The following RASSF3 variants were observed in gnomAD, a reference collection of about 807,000 sequenced individuals.
The protein encoded by RASSF3 is ras association domain-containing protein 3.
In RASSF3, 19 loss-of-function variants were observed where a neutral mutation model predicts 19.9. That is an observed-to-expected ratio of 0.96 (90% CI 0.67 to 1.40). The LOEUF is 1.40. Among genes scored for constraint, RASSF3 ranks in the 40% most tolerant of loss-of-function variants. The pLI is 0.00. For missense variants in RASSF3, 306 were observed against 289.8 expected (o/e 1.06, Z -0.41); for synonymous variants, 110 against 104.2 (o/e 1.06, Z -0.34).
chr12:64,688,214 A>G lies in RASSF3; in HGVS notation c.220-2A>G. 3 of 1,609,882 alleles carry G rather than the reference A, an allele frequency of 1.9e-6. No individual in the cohort carries two copies. The highest frequency in any genetic ancestry group is 2.6e-6 in the Non-Finnish European group (3 of 1,176,088). On this transcript the variant is annotated splice_acceptor_variant, in intron 2 of 4. Coordinates refer to ENST00000542104, the MANE Select transcript of RASSF3 (RefSeq NM_178169.4). LOFTEE classifies it high-confidence loss of function. Reference sequence around the variant, plus strand: ...AAGTGTGTGCTTCTCTCCCTGCTTCAGAATTCAAATGGGATTTACACTGGC... The same window carrying G: ...AAGTGTGTGCTTCTCTCCCTGCTTCGGAATTCAAATGGGATTTACACTGGC...
intron 1 of RASSF3, among the ~76,000 whole-genome samples, chr12:64,649,046 C>T (rs1401439002): frequency 1.3e-5 from 2 of 151,650 alleles, no homozygotes; most frequent in Admixed American, 6.6e-5. Flanking sequence ...TGGCCTCAAG[C>T]GATCCTCCTG....
chr12:64,594,990 GAC>G (rs1565845758), intron 2 of RASSF3, among the ~76,000 whole-genome samples: 1 of 147,296 alleles, frequency 6.8e-6, no homozygotes, highest in African/African-American at 2.5e-5. Flanking sequence ...CACACACACA[GAC>G]ACACACACAC....
At chr12:64,608,109 A>G (rs1320622005), upstream of RASSF3, among the ~76,000 whole-genome samples, 1 of 151,478 alleles carries the variant, frequency 6.6e-6, no homozygotes, top group African/African-American at 2.4e-5. Context: ...TTTTAGAGAA[A>G]AGGTCTCACT....
At chr12:64,592,392 G>T (rs117300243) in intron 2 of RASSF3, among the ~76,000 whole-genome samples, 1 of 151,948 alleles carries the variant, frequency 6.6e-6, no homozygotes, top group African/African-American at 2.4e-5. Context: ...TATTTAGGTT[G>T]TTTCCTTTTT....
intron 1 of RASSF3, chr12:64,654,019 A>T (rs1565861989): frequency 6.6e-6 from 1 of 152,182 alleles, no homozygotes; most frequent in Non-Finnish European, 1.5e-5. Flanking sequence ...TTGGAAAAGG[A>T]TGATGTTGCT....
chr12:64,519,152 C>T (rs1868417441), intron 1 of RASSF3, among the ~76,000 whole-genome samples: 1 of 152,174 alleles, frequency 6.6e-6, no homozygotes, highest in South Asian at 2.1e-4. Context: ...CTAATCCTAG[C>T]ACTTTGGGAG....
At position 64,610,612 on chromosome 12, in the gene RASSF3, G is replaced by A. The variant is rs1356948558; in HGVS notation, c.-21G>A. 23 of 1,469,896 alleles carry A rather than the reference G, an allele frequency of 1.6e-5. No individual in the cohort carries two copies. The highest frequency in any genetic ancestry group is 2.0e-5 in the Non-Finnish European group (22 of 1,103,014). 91.1% of individuals were successfully genotyped at this position (1,469,896 alleles called of 1,614,324 possible). A position where few individuals can be genotyped will look rare whatever the true frequency, so the allele number is the denominator to read the frequency against. On this transcript the variant is annotated 5_prime_UTR_variant, in exon 1 of 5. Transcript: ENST00000542104. ...CGCCTGCGCCCCGGGGAGGCCGCCC[G>A]CGCGCGACGGGACCGGCAGCATGAG...
intron 1 of RASSF3, among the ~76,000 whole-genome samples, chr12:64,514,188 C>CT (rs138925359): frequency 0.036 from 2,817 of 77,998 alleles, 330 homozygotes; most frequent in African/African-American, 0.1. Flanking sequence ...CGCTCAGCCT[C>CT]TTTTTTTTTT....
At chr12:64,659,825 G>A (rs945324960) in intron 1 of RASSF3, among the ~76,000 whole-genome samples, 3 of 152,028 alleles carry the variant, frequency 2.0e-5, no homozygotes, top group Non-Finnish European at 2.9e-5. Context: ...GTGCATGCCT[G>A]TAATCCCAGC....
chr12:64,650,008 T>C (rs546619308), intron 1 of RASSF3, among the ~76,000 whole-genome samples: 20 of 152,386 alleles, frequency 1.3e-4, no homozygotes, highest in Non-Finnish European at 2.9e-4. Flanking sequence ...TGTTGCTCTT[T>C]GCCAGTATTG....
intron 1 of RASSF3, among the ~76,000 whole-genome samples, chr12:64,680,198 G>C (rs190891435): frequency 4.9e-4 from 74 of 152,272 alleles, no homozygotes; most frequent in Non-Finnish European, 9.0e-4. Context: ...GAGGGGACGG[G>C]AGGGTCTTTT....
chr12:64,575,517 G>A (rs1473203438), intron 2 of RASSF3: 1 of 152,158 alleles, frequency 6.6e-6, no homozygotes, highest in Non-Finnish European at 1.5e-5. Flanking sequence ...CGTGCCTGAG[G>A]ATGGCCACTG....
intron 1 of RASSF3, among the ~76,000 whole-genome samples, chr12:64,535,316 T>TAAA (rs112767038): frequency 6.8e-6 from 1 of 146,484 alleles, no homozygotes; most frequent in African/African-American, 2.5e-5. Flanking sequence ...ACTCTGTCTC[T>TAAA]AAAAAAAAAA....
intron 1 of RASSF3, among the ~76,000 whole-genome samples, chr12:64,657,422 TG>T (rs1435199219): frequency 6.6e-6 from 1 of 152,248 alleles, no homozygotes; most frequent in Non-Finnish European, 1.5e-5. Flanking sequence ...ATGATTCAAA[TG>T]GTAAATTTTA....
intron 2 of RASSF3, among the ~76,000 whole-genome samples, chr12:64,569,612 T>G (rs1019038589): frequency 3.3e-5 from 5 of 152,250 alleles, no homozygotes; most frequent in African/African-American, 9.6e-5. Flanking sequence ...ACGAGTATCT[T>G]AAAGTCATTG....
chr12:64,532,523 T>C (rs796689065), upstream of RASSF3, among the ~76,000 whole-genome samples: 43 of 152,234 alleles, frequency 2.8e-4, no homozygotes, highest in African/African-American at 9.9e-4. Flanking sequence ...CTTTTCATAC[T>C]TATCGCAACT....
At chr12:64,540,658 A>C (rs551090127) in intron 1 of RASSF3, among the ~76,000 whole-genome samples, 38 of 152,358 alleles carry the variant, frequency 2.5e-4, no homozygotes, top group African/African-American at 8.7e-4. Context: ...ATGAATTTTG[A>C]ATATTTGATA....
chr12:64,673,848 G>A (rs747668146), intron 1 of RASSF3, among the ~76,000 whole-genome samples: 2 of 151,534 alleles, frequency 1.3e-5, no homozygotes, highest in Non-Finnish European at 2.9e-5. Flanking sequence ...CCTTGAGGTG[G>A]GGACCTCATG....
At chr12:64,551,434 G>T (rs11175445) in intron 2 of RASSF3, among the ~76,000 whole-genome samples, 23,084 of 151,898 alleles carry the variant, frequency 0.15, 2,264 homozygotes, top group African/African-American at 0.28. Context: ...AAATTAGCCG[G>T]GCATGGTGGT....
Sources: allele counts gnomAD v4.1 joint callset (sites outside exome capture counted in the v4.1 genomes callset), GRCh38; gene constraint gnomAD v4.1.1; transcripts MANE v1.5; gene names NCBI Gene and HGNC (gene_info 2026-07-23, HGNC 2026-07-21).